Variants in DOK5 observed in about 807,000 individuals in gnomAD.
DOK5 encodes the protein docking protein 5, also known as downstream of tyrosine kinase 5.
In DOK5, 27 loss-of-function variants were observed where a neutral mutation model predicts 43.3. The observed-to-expected ratio is 0.62, with a 90% CI of 0.46 to 0.86. The LOEUF (loss-of-function observed/expected upper bound fraction) is 0.86. DOK5 is among the 40% of genes least tolerant of loss of function. DOK5 has a pLI of 0.00. For synonymous variants in DOK5, 146 were observed against 140.1 expected, an observed-to-expected ratio of 1.04 and a Z score of -0.30; for missense variants, 373 against 392.9, an observed-to-expected ratio of 0.95 and a Z score of 0.43.
intron 2 of DOK5, among the ~76,000 whole-genome samples, chr20:54,575,843 C>T (rs907153149): frequency 1.3e-5 from 2 of 152,182 alleles, no homozygotes; most frequent in Admixed American, 1.3e-4. Flanking sequence ...TGCATGTGAA[C>T]ACTCATTACA....
intron 7 of DOK5, among the ~76,000 whole-genome samples, chr20:54,644,714 A>AAAAACC (rs374577603): frequency 7.5e-6 from 1 of 134,208 alleles, no homozygotes; most frequent in African/African-American, 2.9e-5. Context: ...TCAAAAAAAA[A>AAAAACC]AAAAAAAAAA....
chr20:54,492,131 G>A (rs573164682), intron 1 of DOK5, among the ~76,000 whole-genome samples: 32 of 151,816 alleles, frequency 2.1e-4, no homozygotes, highest in African/African-American at 7.7e-4. Flanking sequence ...ACATATACAT[G>A]GTAGAGAAAG....
Position 54,588,521 on chromosome 20 carries a change from G to T in DOK5, c.213G>T (p.Leu71Phe). Residue 71 changes from leucine to phenylalanine, a missense_variant, in exon 3 of 8, where the codon TTG becomes TTT. Transcript: ENST00000262593. ...ELNNVKNVAR[L>F]PKSTKKHAIG... ...ATAATGTGAAGAACGTAGCTCGATT[G>T]CCAAAAAGCACCAAGAAACATGCCA... 6.2e-7 allele frequency: 1 copy of T among 1,614,070 alleles called. No individual in the cohort carries two copies. Among genetic ancestry groups the T allele is most frequent in the Non-Finnish European group, 8.5e-7 (1 of 1,179,984 alleles).
intron 2 of DOK5, among the ~76,000 whole-genome samples, chr20:54,565,788 C>T (rs939316235): frequency 6.6e-6 from 1 of 152,024 alleles, no homozygotes; most frequent in Non-Finnish European, 1.5e-5. Context: ...TTTGGGAGGC[C>T]GAGGCAGGCG....
intron 4 of DOK5, among the ~76,000 whole-genome samples, chr20:54,590,882 C>T (rs957418868): frequency 6.6e-6 from 1 of 152,140 alleles, no homozygotes; most frequent in Admixed American, 6.5e-5. Flanking sequence ...AATGAATTTT[C>T]CAGAAATATA....
At chr20:54,572,897 A>T (rs1455255299) in intron 2 of DOK5, among the ~76,000 whole-genome samples, 3 of 152,156 alleles carry the variant, frequency 2.0e-5, no homozygotes, top group Non-Finnish European at 2.9e-5. Flanking sequence ...TACAGTGTGG[A>T]TGATGCCAAT....
chr20:54,486,892 C>G (rs1362295609), intron 1 of DOK5, among the ~76,000 whole-genome samples: 1 of 151,942 alleles, frequency 6.6e-6, no homozygotes, highest in Non-Finnish European at 1.5e-5. Context: ...CTGTGAGAAC[C>G]ATGGCCTTGG....
intron 1 of DOK5, among the ~76,000 whole-genome samples, chr20:54,492,432 T>C (rs1982219300): frequency 6.6e-6 from 1 of 152,214 alleles, no homozygotes; most frequent in African/African-American, 2.4e-5. Flanking sequence ...TATGTCACAA[T>C]TTCTTTAATG....
chr20:54,539,923 G>A (rs1276199507), intron 1 of DOK5, among the ~76,000 whole-genome samples: 3 of 152,248 alleles, frequency 2.0e-5, no homozygotes, highest in Admixed American at 6.5e-5. Flanking sequence ...AGTCAACCAC[G>A]TGAAGTGCAG....
chr20:54,526,660 G>A (rs1264602649), intron 1 of DOK5, among the ~76,000 whole-genome samples: 31 of 152,120 alleles, frequency 2.0e-4, no homozygotes. Flanking sequence ...GTTCCCTAGA[G>A]CCATGTAATT....
At chr20:54,600,389 G>A (rs376824252) in intron 5 of DOK5, among the ~76,000 whole-genome samples, 51 of 152,136 alleles carry the variant, frequency 3.4e-4, no homozygotes, top group African/African-American at 8.9e-4. Context: ...CAAGTTCATG[G>A]GTTTCTAAAA....
rs983999592 is a variant in DOK5 at position 54,476,061 on chromosome 20, T to A, written c.66+49T>A. 10 of 1,606,058 alleles carry A rather than the reference T, an allele frequency of 6.2e-6. No homozygotes were observed. In the African/African-American group the frequency reaches 1.2e-4, roughly 19 times the overall value. On this transcript the variant is annotated intron_variant, in intron 1 of 7. Coordinates refer to ENST00000262593, the MANE Select transcript of DOK5 (RefSeq NM_018431.5). ...TGCTGTTCGCCGGTTCGATTGTCTC[T>A]CTCTTGAGCCAGCATCCCTGGAGGG... is the stretch of plus-strand genomic sequence containing the variant.
intron 2 of DOK5, among the ~76,000 whole-genome samples, chr20:54,586,174 A>G (rs912283455): frequency 4.6e-5 from 7 of 152,230 alleles, no homozygotes; most frequent in African/African-American, 1.7e-4. Context: ...TGTTGGCATC[A>G]GTATGATTGT....
intron 6 of DOK5, among the ~76,000 whole-genome samples, chr20:54,635,196 G>A (rs1978765279): frequency 6.6e-6 from 1 of 152,154 alleles, no homozygotes; most frequent in Non-Finnish European, 1.5e-5. Flanking sequence ...TAACATGAGA[G>A]ATAGCAGGCC....
At chr20:54,504,877 C>G (rs1296832735) in intron 1 of DOK5, among the ~76,000 whole-genome samples, 1 of 152,164 alleles carries the variant, frequency 6.6e-6, no homozygotes, top group East Asian at 1.9e-4. Context: ...GGTGTTTTGG[C>G]CATCTCAGTA....
At chr20:54,584,923 T>C (rs1199987231) in intron 2 of DOK5, among the ~76,000 whole-genome samples, 3 of 152,170 alleles carry the variant, frequency 2.0e-5, no homozygotes, top group African/African-American at 7.2e-5. Context: ...AGGACTATTA[T>C]GTCTTGCCTT....
intron 1 of DOK5, among the ~76,000 whole-genome samples, chr20:54,539,225 G>A (rs141730881): frequency 0.017 from 2,540 of 148,332 alleles, 79 homozygotes; most frequent in African/African-American, 0.06. Context: ...GGGAGGCAGA[G>A]GTGAGATCGC....
intron 1 of DOK5, among the ~76,000 whole-genome samples, chr20:54,535,528 T>TG (rs1309291303): frequency 8.9e-6 from 1 of 112,586 alleles, no homozygotes; most frequent in East Asian, 2.0e-4. Flanking sequence ...TAATTTGGGA[T>TG]TTTTTTTTTT....
chr20:54,604,728 C>T (rs780297624), intron 5 of DOK5, among the ~76,000 whole-genome samples: 2 of 152,104 alleles, frequency 1.3e-5, no homozygotes, highest in Non-Finnish European at 2.9e-5. Flanking sequence ...TGGCCGGGCA[C>T]GGTGGCTCAT....
Sources: allele counts gnomAD v4.1 joint callset (sites outside exome capture counted in the v4.1 genomes callset), GRCh38; gene constraint gnomAD v4.1.1; transcripts MANE v1.5; gene names NCBI Gene and HGNC (gene_info 2026-07-23, HGNC 2026-07-21).